BCAT2: variants seen among roughly 807,000 people sequenced by gnomAD.
BCAT2 encodes branched-chain-amino-acid aminotransferase, mitochondrial.
A neutral mutation model predicts 52.9 loss-of-function variants in BCAT2; 44 were observed. The observed-to-expected ratio is 0.83, with a 90% CI of 0.65 to 1.07. The LOEUF is 1.07. Ranked by LOEUF, BCAT2 falls within the 50% of genes least tolerant of loss-of-function variation. The pLI, the probability that BCAT2 is intolerant of heterozygous loss-of-function variation, is 0.00. For synonymous variants in BCAT2, 215 were observed against 217.1 expected (o/e 0.99, Z 0.08); for missense variants, 478 against 521.8 (o/e 0.92, Z 0.82).
chr19:48,796,664 G>A lies in BCAT2; in HGVS notation c.979C>T (p.Leu327=), dbSNP rs1052611. 1.9e-6 allele frequency: 3 copies of A among 1,613,520 alleles called. No individual in the cohort carries two copies. The highest frequency in any genetic ancestry group is 1.7e-5 in the Admixed American group (1 of 59,992). ...TITMKQLLRA[L]EEGRVREVFG... ...ACTTCCCGCACGCGGCCCTCCTCCA[G>A]GGCCCGCAGCAACTGCTTCATGGTG... The change falls in exon 9 of 11, where the codon CTG becomes TTG. Residue 327 remains leucine (L), a synonymous_variant. Coordinates refer to ENST00000316273, the MANE Select transcript of BCAT2 (RefSeq NM_001190.4).
chr19:48,807,036 C>G lies in BCAT2; in HGVS notation c.63G>C (p.Leu21=). 1 of 1,614,046 alleles carries G rather than the reference C, an allele frequency of 6.2e-7. No individual in the cohort carries two copies. The highest frequency in any genetic ancestry group is 8.5e-7 in the Non-Finnish European group (1 of 1,179,970). The change falls in exon 2 of 11, where the codon CTG becomes CTC. Residue 21 remains leucine (L), a synonymous_variant. Transcript: ENST00000316273. The surrounding 1 kb of genome is among the most constrained non-coding windows in gnomAD (Gnocchi z 4.6). ...AGGAGGCATATCTTCTGGGACCACA[C>G]AGAAGCCAAGGGACAGAGAGAAGCT... ...ARKLLSVPWL[L]CGPRRYASSS...
chr19:48,799,470 G>T lies in BCAT2; in HGVS notation c.695+205C>A. 1.5e-6 allele frequency: 1 copy of T among 657,576 alleles called. No individual in the cohort carries two copies. Among genetic ancestry groups the T allele is most frequent in the Non-Finnish European group, 2.3e-6 (1 of 426,800 alleles). The allele number at this position is 657,576 out of a possible 1,614,324, so 40.7% of individuals were successfully genotyped here. ...TGCCTTCCCATCTGTGAGCCTTTTTGTCCATCTGAAAAATAATCCCCTCCT... is the reference window on the plus strand; with the variant it reads ...TGCCTTCCCATCTGTGAGCCTTTTTTTCCATCTGAAAAATAATCCCCTCCT... On this transcript the variant is annotated intron_variant, in intron 6 of 10. Coordinates refer to ENST00000316273, the MANE Select transcript of BCAT2 (RefSeq NM_001190.4). The surrounding 1 kb of genome is among the most constrained non-coding windows in gnomAD (Gnocchi z 5.5).
chr19:48,802,441 CTTTTTTTTTTTTTT>C (rs35775607), intron 3 of BCAT2, among the ~76,000 whole-genome samples: 5 of 87,038 alleles, frequency 5.7e-5, no homozygotes, highest in South Asian at 9.4e-4. Context: ...TACTGGATTC[CTTTTTTTTTTTTTT>C]TTTTTTTTTT....
At chr19:48,804,651 C>T (rs1283300601) in intron 3 of BCAT2, among the ~76,000 whole-genome samples, 1 of 152,138 alleles carries the variant, frequency 6.6e-6, no homozygotes, top group African/African-American at 2.4e-5. Flanking sequence ...TGTCCTACTC[C>T]CTCATCCTCC....
In BCAT2 at chr19:48,796,483, A is replaced by G; in HGVS notation, c.1085T>C (p.Met362Thr). The change falls in exon 10 of 11, where the codon ATG (methionine) becomes ACG (threonine). Residue 362 changes from methionine (M) to threonine (T), a missense_variant. Met to Thr is a moderately conservative substitution (Grantham distance 81, BLOSUM62 -1). Coordinates refer to ENST00000316273, the MANE Select transcript of BCAT2 (RefSeq NM_001190.4). ...GAGGATCAGCTCAGGCCCATTTTCC[A>G]TGGTGGGAATGTGGAGGTTCTGGGA... is the stretch of plus-strand genomic sequence containing the variant. ...YKDRNLHIPT[M>T]ENGPELILRF... 6.2e-7 allele frequency: 1 copy of G among 1,613,802 alleles called. No individual in the cohort carries two copies. The highest frequency in any genetic ancestry group is 8.5e-7 in the Non-Finnish European group (1 of 1,179,966).
chr19:48,806,516 C>G lies in BCAT2; in HGVS notation c.300+1G>C. 2.5e-6 allele frequency: 4 copies of G among 1,613,794 alleles called. No individual in the cohort carries two copies. Among genetic ancestry groups the G allele is most frequent in the Non-Finnish European group, 3.4e-6 (4 of 1,179,980 alleles). On this transcript the variant is annotated splice_donor_variant, in intron 3 of 10. Coordinates refer to ENST00000316273, the MANE Select transcript of BCAT2 (RefSeq NM_001190.4). LOFTEE classifies it high-confidence loss of function. ...GGGAGAGAGGCCGGCCGCCATGCCA[C>G]CTGCAGGGAGTAGTGGAGGCTGGAG... is the stretch of plus-strand genomic sequence containing the variant.
chr19:48,801,378 G>A (rs1337288739), intron 3 of BCAT2, among the ~76,000 whole-genome samples: 4 of 152,070 alleles, frequency 2.6e-5, no homozygotes, highest in Admixed American at 6.6e-5. Flanking sequence ...GGGGCAGGGA[G>A]TAGCCATATC....
At position 48,795,352 on chromosome 19, in the gene BCAT2, G is replaced by C. The variant is rs73587806; in HGVS notation, c.*74C>G. ...TTATTTCGTATTGCACTTCAGGTGAGTCATTGGTAGGGAGGCGAGTGCTGG... is the reference window on the plus strand; with the variant it reads ...TTATTTCGTATTGCACTTCAGGTGACTCATTGGTAGGGAGGCGAGTGCTGG... On this transcript the variant is annotated 3_prime_UTR_variant, in exon 11 of 11. Transcript: ENST00000316273. 6 of 1,593,258 alleles carry C rather than the reference G, an allele frequency of 3.8e-6. No homozygotes were observed. The African/African-American group carries it at 6.7e-5, about 18-fold the overall frequency.
chr19:48,800,032 G>T lies in BCAT2; in HGVS notation c.480C>A (p.Pro160=), dbSNP rs1184582253. 3.7e-6 allele frequency: 6 copies of T among 1,613,788 alleles called. No homozygotes were observed. The highest frequency in any genetic ancestry group is 5.1e-6 in the Non-Finnish European group (6 of 1,179,912). Residue 160 remains proline, a synonymous_variant, in exon 5 of 11, where the codon CCC becomes CCA. Coordinates refer to ENST00000316273, the MANE Select transcript of BCAT2 (RefSeq NM_001190.4). ...CATAGAGGCTGGTGCCGGCGGCATC[G>T]GGGACCCAGTCCTTGTCCACTTCGA... ...RLIEVDKDWV[P]DAAGTSLYVR...
At chr19:48,797,992 T>A (rs924365790) in intron 6 of BCAT2, among the ~76,000 whole-genome samples, 25 of 150,930 alleles carry the variant, frequency 1.7e-4, no homozygotes, top group African/African-American at 5.4e-4. Flanking sequence ...CTAATTTATA[T>A]TCACATTTAT....
rs1021578203 is a variant in BCAT2, at chr19:48,806,477, T to G, written c.300+40A>C. 1.9e-5 allele frequency: 31 copies of G among 1,607,616 alleles called. 1 individual carries two copies. The highest frequency in any genetic ancestry group is 2.4e-5 in the Non-Finnish European group (28 of 1,175,688). On this transcript the variant is annotated intron_variant, in intron 3 of 10. Coordinates refer to ENST00000316273, the MANE Select transcript of BCAT2 (RefSeq NM_001190.4). Reference sequence around the variant, plus strand: ...AAGAGACACAGCAAGGAGGAGGAGATGCAGACAGGGACAGGGAGAGAGGCC... The same window carrying G: ...AAGAGACACAGCAAGGAGGAGGAGAGGCAGACAGGGACAGGGAGAGAGGCC...
At position 48,795,290 on chromosome 19, in the gene BCAT2, G is replaced by A. The variant is rs2034475329; in HGVS notation, c.*136C>T. Reference sequence around the variant, plus strand: ...GGCTTTGGGAGTGTCGCAACCACATGGGGGCGCCAGAGACCCAGACGCCGC... The same window carrying A: ...GGCTTTGGGAGTGTCGCAACCACATAGGGGCGCCAGAGACCCAGACGCCGC... On this transcript the variant is annotated 3_prime_UTR_variant, in exon 11 of 11. Coordinates refer to ENST00000316273, the MANE Select transcript of BCAT2 (RefSeq NM_001190.4). 3 of 1,172,872 alleles carry A rather than the reference G, an allele frequency of 2.6e-6. No individual in the cohort carries two copies. Among genetic ancestry groups the A allele is most frequent in the Non-Finnish European group, 3.7e-6 (3 of 816,262 alleles). 72.7% of individuals were successfully genotyped at this position (1,172,872 alleles called of 1,614,324 possible).
chr19:48,796,096 A>C, intron 10 of BCAT2: 1 of 478,928 alleles, frequency 2.1e-6, no homozygotes, highest in Non-Finnish European at 3.7e-6. Flanking sequence ...AGTTTCTCCC[A>C]CCAGGGCACC....
chr19:48,797,164 T>C (rs548145879), intron 7 of BCAT2, 27 bp downstream of exon 7: 1 of 1,612,836 alleles, frequency 6.2e-7, no homozygotes, highest in South Asian at 1.1e-5. Context: ...TCCACCAGGG[T>C]TCGGGCTGGG....
Position 48,795,103 on chromosome 19 carries a change from C to CAT in BCAT2, c.*322_*323insAT, listed in dbSNP as rs1281339217. On this transcript the variant is annotated 3_prime_UTR_variant, in exon 11 of 11. Transcript: ENST00000316273. ...TTTTATTTCAAAATTGCAGCAAAGA[C>CAT]AGAGAAAAAAAAATCAACGGCAGCA... 2.3e-6 allele frequency: 1 copy of CAT among 426,600 alleles called. No homozygotes were observed. Among genetic ancestry groups the CAT allele is most frequent in the African/African-American group, 2.0e-5 (1 of 49,270 alleles). 26.4% of individuals were successfully genotyped at this position (426,600 alleles called of 1,614,324 possible).
At chr19:48,798,442 T>A (rs778031592) in intron 6 of BCAT2, among the ~76,000 whole-genome samples, 2 of 152,218 alleles carry the variant, frequency 1.3e-5, no homozygotes, top group Non-Finnish European at 2.9e-5. Context: ...TAATGAATAC[T>A]TGCTAAGCAT....
At chr19:48,808,281 C>T in intron 1 of BCAT2, 2 of 984,104 alleles carry the variant, frequency 2.0e-6, no homozygotes, top group South Asian at 9.4e-5. Context: ...GACACAAACA[C>T]AGTGCGACAG....
intron 6 of BCAT2, among the ~76,000 whole-genome samples, chr19:48,797,760 A>G (rs2034561663): frequency 7.2e-6 from 1 of 139,010 alleles, no homozygotes. Context: ...CACCCATTTC[A>G]TACTGACCAA....
At chr19:48,797,810 T>C (rs1179771564) in intron 6 of BCAT2, among the ~76,000 whole-genome samples, 2 of 142,320 alleles carry the variant, frequency 1.4e-5, no homozygotes, top group African/African-American at 2.7e-5. Flanking sequence ...TTTTTTCTTT[T>C]TTTCTTTTTT....
Sources: allele counts gnomAD v4.1 joint callset (sites outside exome capture counted in the v4.1 genomes callset), GRCh38; gene constraint gnomAD v4.1.1; non-coding constraint Gnocchi (gnomAD v3.1); transcripts MANE v1.5; gene names NCBI Gene and HGNC (gene_info 2026-07-23, HGNC 2026-07-21).